Variants in MAN1A2 observed in about 807,000 individuals in gnomAD.
MAN1A2 encodes the protein mannosidase alpha class 1A member 2.
In MAN1A2, 26 loss-of-function variants were observed where a neutral mutation model predicts 75.7. That is an observed-to-expected ratio of 0.34 (90% CI 0.25 to 0.48). The LOEUF (loss-of-function observed/expected upper bound fraction) is 0.48, where lower values mean the gene tolerates loss of function less well. Among genes scored for constraint, MAN1A2 ranks in the 20% least tolerant of loss-of-function variants. The pLI is 0.99. For missense variants in MAN1A2, 562 were observed against 775.5 expected (o/e 0.72, Z 3.27); for synonymous variants, 247 against 264.6 (o/e 0.93, Z 0.65).
chr1:117,518,252 G>A (rs866605419), intron 12 of MAN1A2, among the ~76,000 whole-genome samples: 4 of 151,892 alleles, frequency 2.6e-5, no homozygotes, highest in African/African-American at 4.8e-5. Context: ...ATTTAGCAGC[G>A]CATATACTTT....
chr1:117,431,081 C>G (rs1310787198), intron 5 of MAN1A2, among the ~76,000 whole-genome samples: 1 of 140,086 alleles, frequency 7.1e-6, no homozygotes, highest in African/African-American at 2.7e-5. Context: ...TGCCTGCAAT[C>G]GCAGGCATTC....
At chr1:117,405,225 G>C (rs570288279) in intron 2 of MAN1A2, among the ~76,000 whole-genome samples, 2 of 152,120 alleles carry the variant, frequency 1.3e-5, no homozygotes, top group Non-Finnish European at 2.9e-5. Flanking sequence ...AGAGCCTCTT[G>C]ATTGACAGCT....
chr1:117,508,397 C>T (rs1396395760), intron 12 of MAN1A2, among the ~76,000 whole-genome samples: 1 of 151,558 alleles, frequency 6.6e-6, no homozygotes, highest in African/African-American at 2.4e-5. Flanking sequence ...TGTCTACTTT[C>T]ACTGGTATCA....
intron 6 of MAN1A2, among the ~76,000 whole-genome samples, chr1:117,451,825 A>T (rs1649427438): frequency 6.6e-6 from 1 of 152,134 alleles, no homozygotes; most frequent in South Asian, 2.1e-4. Context: ...CTTTATCAGC[A>T]GTGTGAAAAT....
chr1:117,417,550 T>TATATATATATATATATATGTG (rs1392228832), intron 4 of MAN1A2, among the ~76,000 whole-genome samples: 1 of 142,244 alleles, frequency 7.0e-6, no homozygotes, highest in Non-Finnish European at 1.5e-5. Flanking sequence ...TATATATATA[T>TATATATATATATATATATGTG]ATATATATGT....
chr1:117,371,257 T>C (rs556621366), intron 1 of MAN1A2, among the ~76,000 whole-genome samples: 1 of 152,340 alleles, frequency 6.6e-6, no homozygotes, highest in South Asian at 2.1e-4. Context: ...ACTAGGATCT[T>C]ATTGTCTAAA....
At chr1:117,390,987 G>A (rs10923281) in intron 1 of MAN1A2, among the ~76,000 whole-genome samples, 18,819 of 152,020 alleles carry the variant, frequency 0.12, 1,216 homozygotes, top group Non-Finnish European at 0.14. Flanking sequence ...AGTTTGGTAT[G>A]TTTAGTATAT....
chr1:117,427,970 G>C (rs1341204471), intron 5 of MAN1A2, among the ~76,000 whole-genome samples: 1 of 152,116 alleles, frequency 6.6e-6, no homozygotes, highest in African/African-American at 2.4e-5. Flanking sequence ...TTTATATGAA[G>C]TTACACCATA....
At chr1:117,455,626 G>A (rs555977731) in intron 6 of MAN1A2, among the ~76,000 whole-genome samples, 1 of 151,980 alleles carries the variant, frequency 6.6e-6, no homozygotes, top group Non-Finnish European at 1.5e-5. Flanking sequence ...AAAAAAGTTT[G>A]TAAAAATACA....
At chr1:117,522,445 G>A (rs556072400) in intron 12 of MAN1A2, among the ~76,000 whole-genome samples, 1 of 151,828 alleles carries the variant, frequency 6.6e-6, no homozygotes, top group Non-Finnish European at 1.5e-5. Context: ...ACTGGGAATA[G>A]AAGGAAACTT....
intron 5 of MAN1A2, among the ~76,000 whole-genome samples, chr1:117,428,466 C>G (rs754592964): frequency 8.6e-5 from 13 of 151,862 alleles, no homozygotes; most frequent in Non-Finnish European, 1.3e-4. Flanking sequence ...AGGACAACAA[C>G]AAAAAGCAAT....
intron 8 of MAN1A2, among the ~76,000 whole-genome samples, chr1:117,489,564 C>T (rs1396161196): frequency 9.9e-5 from 15 of 151,940 alleles, no homozygotes; most frequent in Admixed American, 7.2e-4. Flanking sequence ...TTTCTTGTTA[C>T]GTATGTTGCA....
chr1:117,511,577 C>G (rs1651536549), intron 12 of MAN1A2, among the ~76,000 whole-genome samples: 1 of 151,990 alleles, frequency 6.6e-6, no homozygotes, highest in African/African-American at 2.4e-5. Flanking sequence ...GCACCTAGCA[C>G]ATGAGGCACT....
At chr1:117,380,527 G>T (rs900367318) in intron 1 of MAN1A2, among the ~76,000 whole-genome samples, 3 of 152,130 alleles carry the variant, frequency 2.0e-5, no homozygotes, top group African/African-American at 7.2e-5. Context: ...GTTGATTCAT[G>T]TTGAGTTAAT....
At chr1:117,380,077 G>C (rs948727076) in intron 1 of MAN1A2, among the ~76,000 whole-genome samples, 10 of 152,054 alleles carry the variant, frequency 6.6e-5, no homozygotes, top group Non-Finnish European at 1.2e-4. Context: ...CATTTCTGTA[G>C]CAGCTGAAAT....
chr1:117,433,528 A>C (rs1271346974), intron 5 of MAN1A2, among the ~76,000 whole-genome samples: 1 of 152,224 alleles, frequency 6.6e-6, no homozygotes, highest in Non-Finnish European at 1.5e-5. Flanking sequence ...TAGCATTGTA[A>C]TGAAAATCTT....
intron 6 of MAN1A2, among the ~76,000 whole-genome samples, chr1:117,446,862 G>A (rs751195529): frequency 1.3e-5 from 2 of 152,120 alleles, no homozygotes; most frequent in Middle Eastern, 3.4e-3. Context: ...TTCCTGAAAC[G>A]AAGTGTCAAA....
rs182300762 is a variant in MAN1A2 at position 117,463,430 on chromosome 1, C to T, written c.1074+2818C>T. On this transcript the variant is annotated intron_variant, in intron 7 of 12. Coordinates refer to ENST00000356554, the MANE Select transcript of MAN1A2 (RefSeq NM_006699.5). ...AGCAGAGTTCTCACCTCTCATCCTT[C>T]CTGAACACATAGGCTTCAAGTGATC... Among the ~76,000 whole-genome samples, 445 of 152,068 alleles carry T rather than the reference C, an allele frequency of 2.9e-3. 1 individual carries two copies. Among genetic ancestry groups the T allele is most frequent in the Non-Finnish European group, 4.0e-3 (270 of 68,008 alleles).
At chr1:117,427,375 A>T (rs1189583358) in intron 5 of MAN1A2, among the ~76,000 whole-genome samples, 1 of 152,226 alleles carries the variant, frequency 6.6e-6, no homozygotes, top group Non-Finnish European at 1.5e-5. Flanking sequence ...CAAAGTCATC[A>T]TGTTGACTGT....
Sources: gnomAD v4.1 joint callset for allele counts (sites outside exome capture counted in the v4.1 genomes callset) on GRCh38, gnomAD v4.1.1 for gene constraint, MANE v1.5 for transcripts, NCBI Gene and HGNC (gene_info 2026-07-23, HGNC 2026-07-21) for gene names.